ALDH6A1: variants seen among roughly 807,000 people sequenced by gnomAD.
The protein encoded by ALDH6A1 is methylmalonate-semialdehyde/malonate-semialdehyde dehydrogenase [acylating], mitochondrial.
A neutral mutation model predicts 62.6 loss-of-function variants in ALDH6A1; 43 were observed. That is an observed-to-expected ratio of 0.69 (90% CI 0.54 to 0.89). ALDH6A1 has a LOEUF of 0.89. ALDH6A1 is among the 40% of genes least tolerant of loss of function. The pLI is 0.00. For synonymous variants in ALDH6A1, 194 were observed against 234.2 expected (o/e 0.83, Z 1.57); for missense variants, 551 against 661.3 (o/e 0.83, Z 1.83).
chr14:74,069,459 C>G (rs924574785), intron 6 of ALDH6A1, among the ~76,000 whole-genome samples: 1 of 151,672 alleles, frequency 6.6e-6, no homozygotes, highest in African/African-American at 2.4e-5. Flanking sequence ...CTTTTAAATT[C>G]TATTTAGCCG....
rs113016366 is a variant in ALDH6A1 at position 74,075,104 on chromosome 14, A to G, written c.49-87T>C. Reference sequence around the variant, plus strand: ...AAATAGCTACTATATGCTATTTGCTATAGTATATAGGGGGTATGTTTCTCT... The same window carrying G: ...AAATAGCTACTATATGCTATTTGCTGTAGTATATAGGGGGTATGTTTCTCT... On this transcript the variant is annotated intron_variant, in intron 1 of 11. Coordinates refer to ENST00000553458, the MANE Select transcript of ALDH6A1 (RefSeq NM_005589.4). 3.2e-3 allele frequency: 3,828 copies of G among 1,202,542 alleles called. 79 individuals carry two copies. The African/African-American group carries it at 0.046, about 14-fold the overall frequency. 74.5% of individuals were successfully genotyped at this position (1,202,542 alleles called of 1,614,324 possible). A position where few individuals can be genotyped will look rare whatever the true frequency, so the allele number is the denominator to read the frequency against.
chr14:74,082,169 C>T (rs1265718253), intron 1 of ALDH6A1, among the ~76,000 whole-genome samples: 1 of 152,188 alleles, frequency 6.6e-6, no homozygotes, highest in Non-Finnish European at 1.5e-5. Context: ...TGCACCACTG[C>T]ACTCCAGCCT....
At chr14:74,060,853 T>G (rs2060323841) in intron 11 of ALDH6A1, 107 bp from the exon 12 acceptor site, 2 of 787,480 alleles carry the variant, frequency 2.5e-6, no homozygotes, top group Non-Finnish European at 4.4e-6. Context: ...CTTTCCTAAT[T>G]GAGAAATGCA....
Position 74,066,886 on chromosome 14 carries a change from C to T in ALDH6A1, c.1043G>A (p.Gly348Glu), listed in dbSNP as rs1362472778. Residue 348 changes from glycine (G) to glutamate (E), a missense_variant and splice_region_variant, in exon 9 of 12, where the codon GGA becomes GAA. Transcript: ENST00000553458. ...GCCAAGATCAGCTCCAGGCTGATCT[C>T]CTGTAAAACAACACAGAAGAATTTA... ...EHAKNLRVNA[G>E]DQPGADLGPL... The T allele has an allele frequency of 6.2e-7, 1 of 1,612,470 alleles. No homozygotes were observed. The highest frequency in any genetic ancestry group is 8.5e-7 in the Non-Finnish European group (1 of 1,178,686).
At position 74,066,853 on chromosome 14, in the gene ALDH6A1, A is replaced by C. The variant is rs1397253000; in HGVS notation, c.1076T>G (p.Ile359Ser). ...GACTCGCTCTTTGGCCTGGGGAGTG[A>C]TCAGAGGGCCAAGATCAGCTCCAGG... The part of the protein sequence containing the change: ...DQPGADLGPL[I>S]TPQAKERVCN... Residue 359 changes from isoleucine to serine, a missense_variant, in exon 9 of 12, where the codon ATC (isoleucine) becomes AGC (serine). By Grantham distance (142) the Ile-to-Ser change is moderately radical (BLOSUM62 -2). Coordinates refer to ENST00000553458, the MANE Select transcript of ALDH6A1 (RefSeq NM_005589.4). 7 of 1,613,944 alleles carry C rather than the reference A, an allele frequency of 4.3e-6. No homozygotes were observed. The South Asian group carries it at 6.6e-5, about 15-fold the overall frequency.
intron 6 of ALDH6A1, chr14:74,070,800 C>A: frequency 4.7e-6 from 1 of 213,184 alleles, no homozygotes; most frequent in East Asian, 1.3e-4. Context: ...AGGAACGGTG[C>A]CTGAAACACA....
chr14:74,064,190 C>T (rs1450607557), intron 11 of ALDH6A1, among the ~76,000 whole-genome samples: 2 of 144,932 alleles, frequency 1.4e-5, no homozygotes, highest in African/African-American at 5.1e-5. Context: ...CCCAGCTATT[C>T]GGGAGGCTGA....
At chr14:74,079,444 C>CT (rs1480308995) in intron 1 of ALDH6A1, among the ~76,000 whole-genome samples, 1 of 111,388 alleles carries the variant, frequency 9.0e-6, no homozygotes, top group Non-Finnish European at 1.9e-5. Context: ...TTTTTTTTTT[C>CT]TTTTTTTGAG....
At chr14:74,074,614 G>C (rs1057214169) in intron 2 of ALDH6A1, among the ~76,000 whole-genome samples, 1 of 152,244 alleles carries the variant, frequency 6.6e-6, no homozygotes, top group East Asian at 1.9e-4. Flanking sequence ...GTGGTACAGT[G>C]TGTGCATACT....
At chr14:74,078,018 A>G (rs1013669648) in intron 1 of ALDH6A1, among the ~76,000 whole-genome samples, 1 of 152,136 alleles carries the variant, frequency 6.6e-6, no homozygotes, top group African/African-American at 2.4e-5. Context: ...AGGCAGGAGG[A>G]TCTCTTGAGC....
At chr14:74,065,806 C>A in intron 9 of ALDH6A1, 1 of 184,758 alleles carries the variant, frequency 5.4e-6, no homozygotes, top group Non-Finnish European at 1.1e-5. Context: ...CTTATTCACT[C>A]CTTTGCCTCC....
chr14:74,064,590 A>G, intron 11 of ALDH6A1: 1 of 1,174,326 alleles, frequency 8.5e-7, no homozygotes, highest in South Asian at 1.2e-5. Context: ...ACAAAGGCTT[A>G]GACTTCCCCA....
At chr14:74,071,070 G>A in intron 6 of ALDH6A1, 125 bp downstream of exon 6, 1 of 996,134 alleles carries the variant, frequency 1.0e-6, no homozygotes, top group South Asian at 1.3e-5. Context: ...CAAACATGGA[G>A]GTTAAAATGA....
At chr14:74,081,027 TG>T (rs2060663393) in intron 1 of ALDH6A1, 1 of 152,320 alleles carries the variant, frequency 6.6e-6, no homozygotes, top group Admixed American at 6.5e-5. Context: ...TGCCTGGCAC[TG>T]TTTCATCTAA....
chr14:74,076,845 C>T (rs2060618640), intron 1 of ALDH6A1, among the ~76,000 whole-genome samples: 1 of 152,122 alleles, frequency 6.6e-6, no homozygotes, highest in Non-Finnish European at 1.5e-5. Context: ...CCACTGCACC[C>T]AGCCTATATA....
intron 11 of ALDH6A1, among the ~76,000 whole-genome samples, chr14:74,063,571 A>AAG (rs775914703): frequency 1.3e-5 from 2 of 151,968 alleles, no homozygotes; most frequent in Non-Finnish European, 2.9e-5. Context: ...TTAAGGCATA[A>AAG]AGAAGGTATC....
chr14:74,060,923 C>T (rs561800047), intron 11 of ALDH6A1, among the ~76,000 whole-genome samples, 177 bp from the exon 12 acceptor site: 119 of 151,998 alleles, frequency 7.8e-4, no homozygotes, highest in African/African-American at 2.7e-3. Context: ...AACATAATAC[C>T]TGGCAGATAG....
Position 74,066,838 on chromosome 14 carries a change from T to C in ALDH6A1, c.1091A>G (p.Lys364Arg). Residue 364 changes from lysine (K) to arginine (R), a missense_variant, in exon 9 of 12, where the codon AAA becomes AGA. Physicochemically the swap from Lys to Arg is conservative, Grantham distance 26. Transcript: ENST00000553458. ...ATCAATCAGATTACAGACTCGCTCTTTGGCCTGGGGAGTGATCAGAGGGCC... is the reference window on the plus strand; with the variant it reads ...ATCAATCAGATTACAGACTCGCTCTCTGGCCTGGGGAGTGATCAGAGGGCC... ...DLGPLITPQA[K>R]ERVCNLIDSG... 6.2e-7 allele frequency: 1 copy of C among 1,614,110 alleles called. No homozygotes were observed. Among genetic ancestry groups the C allele is most frequent in the Non-Finnish European group, 8.5e-7 (1 of 1,180,024 alleles).
intron 6 of ALDH6A1, chr14:74,069,399 G>A (rs900844073): frequency 1.2e-5 from 3 of 251,850 alleles, no homozygotes; most frequent in African/African-American, 6.9e-5. Context: ...ACTGCATCAG[G>A]CCTGTGTTTT....
Sources: gnomAD v4.1 joint callset for allele counts (sites outside exome capture counted in the v4.1 genomes callset) on GRCh38, gnomAD v4.1.1 for gene constraint, MANE v1.5 for transcripts, NCBI Gene and HGNC (gene_info 2026-07-23, HGNC 2026-07-21) for gene names.